Variants in LTBP1 observed in about 807,000 individuals in gnomAD.
LTBP1 encodes latent-transforming growth factor beta-binding protein 1.
Under a neutral mutation model 207.6 loss-of-function variants are expected in LTBP1, and 129 were observed. The observed-to-expected ratio is 0.62, with a 90% CI of 0.54 to 0.72. LTBP1 has a LOEUF of 0.72. LTBP1 is among the 30% of genes least tolerant of loss of function. The pLI is 0.00. For synonymous variants in LTBP1, 963 were observed against 833.7 expected (o/e 1.16, Z -2.67); for missense variants, 2,281 against 2,217.2 (o/e 1.03, Z -0.58).
chr2:33,244,115 A>T (rs2092429280), intron 10 of LTBP1, among the ~76,000 whole-genome samples: 2 of 152,226 alleles, frequency 1.3e-5, no homozygotes, highest in Non-Finnish European at 2.9e-5. Context: ...GAGAGATGAC[A>T]GTAAGTTTTT....
intron 7 of LTBP1, among the ~76,000 whole-genome samples, chr2:33,189,069 G>T (rs1197773970): frequency 6.6e-6 from 1 of 152,182 alleles, no homozygotes; most frequent in African/African-American, 2.4e-5. Flanking sequence ...GATGACTGCA[G>T]AATTAAATAG....
chr2:33,016,841 G>C (rs1688450448), intron 2 of LTBP1, among the ~76,000 whole-genome samples: 1 of 152,146 alleles, frequency 6.6e-6, no homozygotes, highest in Admixed American at 6.6e-5. Flanking sequence ...TGGCCAACAT[G>C]GCGAAACCCT....
At chr2:33,385,728 T>C (rs1057201923) in intron 31 of LTBP1, among the ~76,000 whole-genome samples, 1 of 152,152 alleles carries the variant, frequency 6.6e-6, no homozygotes, top group South Asian at 2.1e-4. Context: ...AGGGCAGATG[T>C]GCATGATGGG....
intron 9 of LTBP1, among the ~76,000 whole-genome samples, chr2:33,238,336 A>C (rs1444890027): frequency 6.6e-6 from 1 of 152,186 alleles, no homozygotes; most frequent in African/African-American, 2.4e-5. Flanking sequence ...GAAGACAGTA[A>C]ATTCTTACTC....
rs750228815 is a variant in LTBP1, at chr2:33,021,148, A to G, written c.805A>G (p.Met269Val). 1.2e-6 allele frequency: 2 copies of G among 1,613,498 alleles called. No homozygotes were observed. Among genetic ancestry groups the G allele is most frequent in the African/African-American group, 1.3e-5 (1 of 74,922 alleles). The stretch of plus-strand genomic sequence containing the variant: ...ACCAAGAGTCAGCCCTGTGGCCCAG[A>G]TGACCTTAACCCTCAAGCCGAAGCC... ...TLPRVSPVAQ[M>V]TLTLKPKPSV... is the part of the protein sequence containing the mutation. The change falls in exon 3 of 34, where the codon ATG (methionine) becomes GTG (valine). Residue 269 changes from methionine to valine, a missense_variant. Around this residue, in one of 3 missense-constraint regions of LTBP1, gnomAD observed 555 missense variants for 491.0 expected, o/e 1.13. Transcript: ENST00000404816.
chr2:33,152,307 A>G (rs1472103578), intron 5 of LTBP1, among the ~76,000 whole-genome samples: 2 of 152,218 alleles, frequency 1.3e-5, no homozygotes, highest in African/African-American at 2.4e-5. Flanking sequence ...GCCAACAAAC[A>G]TGAAAAAGTA....
At chr2:32,999,277 T>C (rs1307245882) in intron 2 of LTBP1, among the ~76,000 whole-genome samples, 2 of 152,220 alleles carry the variant, frequency 1.3e-5, no homozygotes, top group African/African-American at 4.8e-5. Flanking sequence ...AGCTGCACTC[T>C]AGATAGTCGT....
chr2:33,105,841 A>G (rs553285019), intron 3 of LTBP1, among the ~76,000 whole-genome samples: 3 of 152,302 alleles, frequency 2.0e-5, no homozygotes, highest in Admixed American at 6.5e-5. Flanking sequence ...TAAGACAACA[A>G]TGAAGTTTGC....
At chr2:32,977,868 C>G (rs440235) in intron 2 of LTBP1, among the ~76,000 whole-genome samples, 72,390 of 151,932 alleles carry the variant, frequency 0.48, 19,164 homozygotes, top group East Asian at 0.69. Flanking sequence ...GATCAGTGTT[C>G]AGTTTGTTTC....
At chr2:33,104,648 C>T (rs1436178351) in intron 3 of LTBP1, among the ~76,000 whole-genome samples, 1 of 152,136 alleles carries the variant, frequency 6.6e-6, no homozygotes, top group Non-Finnish European at 1.5e-5. Flanking sequence ...TATGTCCCTA[C>T]CATTAAGTGT....
intron 3 of LTBP1, among the ~76,000 whole-genome samples, chr2:33,065,333 C>G (rs532595265): frequency 6.6e-6 from 1 of 152,118 alleles, no homozygotes; most frequent in African/African-American, 2.4e-5. Flanking sequence ...GCAGGAAGAT[C>G]ACTTGAGGCC....
intron 3 of LTBP1, among the ~76,000 whole-genome samples, chr2:33,055,676 A>AGGTTTGCCCTAGACCCTGTAGGACATCT (rs1235858473): frequency 4.6e-5 from 7 of 152,340 alleles, no homozygotes; most frequent in Admixed American, 3.3e-4. Flanking sequence ...GTGAGGTCAA[A>AGGTTTGCCCTAGACCCTGTAGGACATCT]GGTTTGCCCT....
intron 24 of LTBP1, among the ~76,000 whole-genome samples, chr2:33,338,338 C>T (rs939738345): frequency 2.0e-5 from 3 of 152,090 alleles, no homozygotes; most frequent in African/African-American, 7.2e-5. Flanking sequence ...TTCCTGTGCA[C>T]AGTAACGAGA....
chr2:33,279,932 C>A, intron 18 of LTBP1, 107 bp from the exon 19 acceptor site: 1 of 1,202,952 alleles, frequency 8.3e-7, no homozygotes, highest in Non-Finnish European at 1.2e-6. Context: ...GTTTTTCCCA[C>A]TGAAATGTAG....
chr2:33,229,906 A>G (rs1359196324), intron 9 of LTBP1, among the ~76,000 whole-genome samples: 6 of 152,252 alleles, frequency 3.9e-5, no homozygotes, highest in Non-Finnish European at 8.8e-5. Context: ...TGGGTCCTCA[A>G]GGAGGCACTG....
Position 33,294,018 on chromosome 2 carries a change from T to A in LTBP1, c.3235+736T>A, listed in dbSNP as rs1231768545. 2.8e-5 allele frequency among the ~76,000 whole-genome samples: 4 copies of A among 142,690 alleles called. No individual in the cohort carries two copies. The East Asian group carries it at 8.2e-4, about 29-fold the overall frequency. The allele number at this position is 142,690 out of a possible 152,430, so 93.6% of individuals were successfully genotyped here. On this transcript the variant is annotated intron_variant, in intron 20 of 33. Coordinates refer to ENST00000404816, the MANE Select transcript of LTBP1 (RefSeq NM_206943.4). ...GTCTTTTTTTTTTTTTTTTTTTTTT[T>A]TTTTTGAGCTGAAGTCTCACTGTGT...
At chr2:32,959,046 CTTTTT>C (rs1678564071) in intron 2 of LTBP1, among the ~76,000 whole-genome samples, 2 of 152,182 alleles carry the variant, frequency 1.3e-5, no homozygotes, top group African/African-American at 4.8e-5. Context: ...TTCCCTGTGG[CTTTTT>C]TACTCCACCA....
chr2:33,149,537 A>G (rs954447035), intron 5 of LTBP1, among the ~76,000 whole-genome samples: 8 of 152,192 alleles, frequency 5.3e-5, no homozygotes, highest in African/African-American at 1.9e-4. Flanking sequence ...CTGTCCTTGC[A>G]CATGTGTTGA....
chr2:33,117,887 G>A (rs973660026), intron 4 of LTBP1, among the ~76,000 whole-genome samples: 3 of 152,182 alleles, frequency 2.0e-5, no homozygotes, highest in Admixed American at 6.5e-5. Context: ...ATTTGAAAAT[G>A]CTGTTGAGGA....
Sources: allele counts gnomAD v4.1 joint callset (sites outside exome capture counted in the v4.1 genomes callset), GRCh38; gene constraint gnomAD v4.1.1; regional missense constraint gnomAD v4.1.1; transcripts MANE v1.5; gene names NCBI Gene and HGNC (gene_info 2026-07-23, HGNC 2026-07-21).